Variants in FSTL5 observed in about 807,000 individuals in gnomAD.
FSTL5 encodes the protein follistatin-related protein 5.
Under a neutral mutation model 89.1 loss-of-function variants are expected in FSTL5, and 62 were observed. The observed-to-expected ratio is 0.70, with a 90% CI of 0.57 to 0.86. FSTL5 has a LOEUF of 0.86. Among genes scored for constraint, FSTL5 ranks in the 40% least tolerant of loss-of-function variants. FSTL5 has a pLI of 0.00. For missense variants in FSTL5, 1,057 were observed against 1,001.6 expected, an observed-to-expected ratio of 1.06 and a Z score of -0.75; for synonymous variants, 383 against 346.2, an observed-to-expected ratio of 1.11 and a Z score of -1.18.
At chr4:161,561,721 G>A (rs4507317) in intron 8 of FSTL5, among the ~76,000 whole-genome samples, 71,183 of 151,818 alleles carry the variant, frequency 0.47, 16,936 homozygotes, top group Middle Eastern at 0.59. Context: ...ATAGTAGCTT[G>A]TAAATGTCTC....
chr4:161,945,356 G>T (rs1037191529), intron 3 of FSTL5, among the ~76,000 whole-genome samples: 2 of 152,274 alleles, frequency 1.3e-5, no homozygotes, highest in Middle Eastern at 3.4e-3. Context: ...TTCAGGGATT[G>T]ACGGCACATA....
intron 11 of FSTL5, among the ~76,000 whole-genome samples, chr4:161,501,260 C>G (rs1397508307): frequency 6.6e-6 from 1 of 151,824 alleles, no homozygotes; most frequent in Non-Finnish European, 1.5e-5. Context: ...ATTGTGATCT[C>G]CTGGAAGATT....
At chr4:161,760,300 T>G (rs773724150) in intron 5 of FSTL5, among the ~76,000 whole-genome samples, 3 of 152,214 alleles carry the variant, frequency 2.0e-5, no homozygotes, top group Non-Finnish European at 4.4e-5. Flanking sequence ...CAGACATTTC[T>G]ATTGTGGTAG....
At position 161,574,412 on chromosome 4, in the gene FSTL5, G is replaced by A. The variant is rs1461967671; in HGVS notation, c.1015+13043C>T. On this transcript the variant is annotated intron_variant, in intron 8 of 15. Coordinates refer to ENST00000306100, the MANE Select transcript of FSTL5 (RefSeq NM_020116.5). Reference sequence around the variant, plus strand: ...GCAGGACATGCAGGTTTGTTACATAGTTATACATGTGCCAGCGTGGTTTGC... The same window carrying A: ...GCAGGACATGCAGGTTTGTTACATAATTATACATGTGCCAGCGTGGTTTGC... Among the ~76,000 whole-genome samples, 6 of 148,640 alleles carry A rather than the reference G, an allele frequency of 4.0e-5. No individual in the cohort carries two copies. In the Admixed American group the frequency reaches 4.1e-4, roughly 10 times the overall value.
At chr4:161,442,437 C>T (rs1024034426) in intron 15 of FSTL5, among the ~76,000 whole-genome samples, 2 of 152,066 alleles carry the variant, frequency 1.3e-5, no homozygotes, top group Non-Finnish European at 1.5e-5. Context: ...TCAAGTGCCA[C>T]AAATATCTTC....
At chr4:161,623,207 T>C (rs983222707) in intron 7 of FSTL5, among the ~76,000 whole-genome samples, 9 of 152,150 alleles carry the variant, frequency 5.9e-5, no homozygotes, top group African/African-American at 1.9e-4. Context: ...TTTTGAGATA[T>C]GTAAGAAAAG....
chr4:162,148,909 A>C (rs1229877386), intron 1 of FSTL5, among the ~76,000 whole-genome samples: 5 of 152,200 alleles, frequency 3.3e-5, no homozygotes, highest in Non-Finnish European at 7.4e-5. Flanking sequence ...CAGACTTAGT[A>C]GGCACCCTGA....
chr4:161,435,241 T>TA (rs112165337), intron 15 of FSTL5, among the ~76,000 whole-genome samples: 20 of 152,028 alleles, frequency 1.3e-4, no homozygotes, highest in East Asian at 9.7e-4. Context: ...TAATCAGTTA[T>TA]AAAAAAAATG....
At chr4:161,528,394 A>C (rs1280441197) in intron 10 of FSTL5, among the ~76,000 whole-genome samples, 1 of 143,660 alleles carries the variant, frequency 7.0e-6, no homozygotes, top group Non-Finnish European at 1.5e-5. Flanking sequence ...TATAAAGCAA[A>C]AAAGGAGGAA....
At chr4:162,078,447 T>C (rs547669230) in intron 2 of FSTL5, among the ~76,000 whole-genome samples, 1 of 151,966 alleles carries the variant, frequency 6.6e-6, no homozygotes, top group African/African-American at 2.4e-5. Flanking sequence ...AATAATTGCT[T>C]GTAAGTTCAT....
At chr4:162,049,738 T>C (rs1028345349) in intron 2 of FSTL5, among the ~76,000 whole-genome samples, 5 of 152,074 alleles carry the variant, frequency 3.3e-5, no homozygotes, top group African/African-American at 9.7e-5. Context: ...AGAAGTACAA[T>C]TTCCATACAA....
intron 4 of FSTL5, among the ~76,000 whole-genome samples, chr4:161,780,880 T>C (rs990691723): frequency 5.3e-5 from 8 of 152,324 alleles, no homozygotes; most frequent in African/African-American, 1.9e-4. Context: ...ATGACACTTT[T>C]ATCCTTTCCT....
intron 3 of FSTL5, among the ~76,000 whole-genome samples, chr4:161,955,776 T>G (rs923234770): frequency 4.6e-5 from 7 of 151,888 alleles, no homozygotes; most frequent in Non-Finnish European, 8.8e-5. Context: ...TCTTGCAGTT[T>G]CAATGACCAT....
chr4:161,470,465 T>A (rs1383565404), intron 13 of FSTL5, among the ~76,000 whole-genome samples: 1 of 152,184 alleles, frequency 6.6e-6, no homozygotes, highest in East Asian at 1.9e-4. Context: ...TTTATGCTAG[T>A]ACTACACAGT....
At chr4:161,718,537 T>C (rs1739080767) in intron 6 of FSTL5, among the ~76,000 whole-genome samples, 1 of 152,038 alleles carries the variant, frequency 6.6e-6, no homozygotes, top group Non-Finnish European at 1.5e-5. Flanking sequence ...CAAGCAATTC[T>C]CCTGCCTCAG....
chr4:162,088,781 G>T (rs1441845971), intron 2 of FSTL5, among the ~76,000 whole-genome samples: 1 of 152,070 alleles, frequency 6.6e-6, no homozygotes, highest in Non-Finnish European at 1.5e-5. Flanking sequence ...AACTATAAAT[G>T]AGTAACATTT....
chr4:162,084,899 GTAC>G (rs1221035482), intron 2 of FSTL5, among the ~76,000 whole-genome samples: 1 of 152,024 alleles, frequency 6.6e-6, no homozygotes, highest in African/African-American at 2.4e-5. Flanking sequence ...TTCTGCATAT[GTAC>G]CCCAGAACTT....
chr4:161,752,237 A>AT (rs1740421362), intron 6 of FSTL5, among the ~76,000 whole-genome samples: 1 of 149,744 alleles, frequency 6.7e-6, no homozygotes, highest in Admixed American at 6.6e-5. Context: ...AGATAGATAG[A>AT]TAGATAGATA....
At chr4:161,466,567 G>A (rs1026743103) in intron 13 of FSTL5, among the ~76,000 whole-genome samples, 2 of 152,032 alleles carry the variant, frequency 1.3e-5, no homozygotes, top group Non-Finnish European at 2.9e-5. Flanking sequence ...GAGTACTCCC[G>A]GGGTGTTACA....
Sources: gnomAD v4.1 joint callset for allele counts (sites outside exome capture counted in the v4.1 genomes callset) on GRCh38, gnomAD v4.1.1 for gene constraint, MANE v1.5 for transcripts, NCBI Gene and HGNC (gene_info 2026-07-23, HGNC 2026-07-21) for gene names.